The following FGF14 variants were observed in gnomAD, a reference collection of about 807,000 sequenced individuals.
FGF14 encodes the protein fibroblast growth factor 14, also known as fibroblast growth factor homologous factor 4.
FGF14 carries 5 observed loss-of-function variants against 25.5 expected under a neutral mutation model. The ratio of observed to expected loss-of-function variants is 0.20; its 90% CI spans 0.10 to 0.41. The LOEUF (loss-of-function observed/expected upper bound fraction) is 0.41. FGF14 is among the 10% of genes least tolerant of loss of function. FGF14 has a pLI of 1.00. For missense variants in FGF14, 222 were observed against 320.1 expected, an observed-to-expected ratio of 0.69 and a Z score of 2.34; for synonymous variants, 138 against 118.3, an observed-to-expected ratio of 1.17 and a Z score of -1.08.
chr13:102,291,878 AC>A (rs1163937902), intron 1 of FGF14, among the ~76,000 whole-genome samples: 1 of 151,320 alleles, frequency 6.6e-6, no homozygotes, highest in African/African-American at 2.4e-5. Flanking sequence ...CCCCAGGCCG[AC>A]CCTCCTGCTT....
chr13:102,348,769 C>T (rs1363913267), intron 1 of FGF14, among the ~76,000 whole-genome samples: 2 of 152,186 alleles, frequency 1.3e-5, no homozygotes, highest in African/African-American at 2.4e-5. Flanking sequence ...GAATCCTCCC[C>T]GAGCCCAGGC....
At chr13:102,199,410 TG>T (rs2140870698) in intron 1 of FGF14, among the ~76,000 whole-genome samples, 1 of 152,350 alleles carries the variant, frequency 6.6e-6, no homozygotes, top group Non-Finnish European at 1.5e-5. Context: ...TGAGTTAAAG[TG>T]GCTTTCTATG....
At chr13:102,314,473 C>T (rs2055923471) in intron 1 of FGF14, among the ~76,000 whole-genome samples, 1 of 152,084 alleles carries the variant, frequency 6.6e-6, no homozygotes, top group African/African-American at 2.4e-5. Context: ...ACAAACCGAA[C>T]ATATTAATAC....
intron 1 of FGF14, among the ~76,000 whole-genome samples, chr13:102,320,769 T>C (rs2056214382): frequency 6.6e-6 from 1 of 152,198 alleles, no homozygotes. Flanking sequence ...AAGATGTGCA[T>C]GTTATGCCAA....
chr13:102,137,525 C>T (rs560459147), intron 1 of FGF14, among the ~76,000 whole-genome samples: 17 of 152,110 alleles, frequency 1.1e-4, no homozygotes, highest in Admixed American at 2.6e-4. Context: ...GGAATCCCTA[C>T]AAAGAAATGG....
chr13:102,058,705 C>T (rs773025825), intron 1 of FGF14, among the ~76,000 whole-genome samples: 2 of 152,048 alleles, frequency 1.3e-5, no homozygotes, highest in African/African-American at 4.8e-5. Flanking sequence ...TTGTAATTTT[C>T]TCTTCAGTTA....
At chr13:102,100,532 A>C (rs981415010) in intron 1 of FGF14, among the ~76,000 whole-genome samples, 2 of 152,196 alleles carry the variant, frequency 1.3e-5, no homozygotes, top group Non-Finnish European at 2.9e-5. Flanking sequence ...AGTAACAGTG[A>C]TATCAGTGAC....
intron 3 of FGF14, among the ~76,000 whole-genome samples, chr13:101,809,161 C>T (rs76336812): frequency 1.3e-5 from 2 of 151,790 alleles, no homozygotes; most frequent in South Asian, 4.1e-4. Flanking sequence ...AAAATTTTCC[C>T]GTTTTATGTT....
chr13:101,773,430 G>A (rs1170021789), intron 3 of FGF14, among the ~76,000 whole-genome samples: 1 of 151,904 alleles, frequency 6.6e-6, no homozygotes, highest in Admixed American at 6.6e-5. Context: ...TCTTGTCAGT[G>A]ATATAGGTGA....
chr13:102,266,691 A>G (rs1012318632), intron 1 of FGF14, among the ~76,000 whole-genome samples: 1 of 152,162 alleles, frequency 6.6e-6, no homozygotes, highest in African/African-American at 2.4e-5. Context: ...AGAGGGATCA[A>G]AGAAAACAGA....
intron 1 of FGF14, among the ~76,000 whole-genome samples, chr13:101,987,780 TTTC>T (rs1364289626): frequency 6.6e-6 from 1 of 152,062 alleles, no homozygotes; most frequent in African/African-American, 2.4e-5. Context: ...TTAATTCTGT[TTTC>T]ATTATTAGTC....
At chr13:101,805,392 C>G (rs1019138012) in intron 3 of FGF14, among the ~76,000 whole-genome samples, 2 of 152,048 alleles carry the variant, frequency 1.3e-5, no homozygotes, top group South Asian at 2.1e-4. Flanking sequence ...AATATAAAAG[C>G]TATAGACAGC....
At chr13:102,242,336 C>T (rs969716218) in intron 1 of FGF14, among the ~76,000 whole-genome samples, 1 of 151,984 alleles carries the variant, frequency 6.6e-6, no homozygotes, top group African/African-American at 2.4e-5. Context: ...ATGTCTTTGT[C>T]CATTTCAGCT....
At chr13:101,737,959 A>T (rs1226415393) in intron 3 of FGF14, among the ~76,000 whole-genome samples, 1 of 152,164 alleles carries the variant, frequency 6.6e-6, no homozygotes, top group Non-Finnish European at 1.5e-5. Flanking sequence ...GCCAACCTTT[A>T]AAATGAAAGC....
At chr13:102,090,079 G>T (rs2044097831) in intron 1 of FGF14, among the ~76,000 whole-genome samples, 1 of 152,054 alleles carries the variant, frequency 6.6e-6, no homozygotes. Flanking sequence ...TGGCTTTTTA[G>T]AAAAACTACC....
At chr13:102,001,027 G>A (rs955278789) in intron 1 of FGF14, among the ~76,000 whole-genome samples, 1 of 152,132 alleles carries the variant, frequency 6.6e-6, no homozygotes, top group African/African-American at 2.4e-5. Flanking sequence ...ATGATTTAGG[G>A]TTGGGATGAA....
intron 1 of FGF14, among the ~76,000 whole-genome samples, chr13:102,180,258 T>C (rs1795077807): frequency 6.6e-6 from 1 of 152,170 alleles, no homozygotes; most frequent in Admixed American, 6.5e-5. Context: ...TTCCATGCTA[T>C]AATTCTGCTC....
intron 1 of FGF14, among the ~76,000 whole-genome samples, chr13:101,942,437 C>T (rs2035513738): frequency 6.6e-6 from 1 of 152,134 alleles, no homozygotes; most frequent in Admixed American, 6.5e-5. Context: ...AATAATTTTT[C>T]ACAGTTAAAA....
chr13:101,858,166 A>T (rs2044222874), intron 3 of FGF14, among the ~76,000 whole-genome samples: 1 of 151,642 alleles, frequency 6.6e-6, no homozygotes. Context: ...GGGTTCTCAC[A>T]GTGCCTGACA....
Sources: gnomAD v4.1 joint callset for allele counts (sites outside exome capture counted in the v4.1 genomes callset) on GRCh38, gnomAD v4.1.1 for gene constraint, MANE v1.5 for transcripts, NCBI Gene and HGNC (gene_info 2026-07-23, HGNC 2026-07-21) for gene names.